C12orf42: variants seen among roughly 807,000 people sequenced by gnomAD.
C12orf42 encodes the protein chromosome 12 open reading frame 42.
C12orf42 carries 25 observed loss-of-function variants against 21.6 expected under a neutral mutation model. That is an observed-to-expected ratio of 1.16 (90% CI 0.84 to 1.62). C12orf42 has a LOEUF of 1.62. Ranked by LOEUF, C12orf42 falls within the 40% of genes most tolerant of loss-of-function variation. The probability of loss-of-function intolerance (pLI) is 0.00; values close to 1 mark genes in which losing one functional copy is unlikely to be tolerated. For synonymous variants in C12orf42, 174 were observed against 175.0 expected (o/e 0.99, Z 0.05); for missense variants, 483 against 459.3 (o/e 1.05, Z -0.47).
At chr12:103,371,591 A>G (rs906928875) in intron 3 of C12orf42, among the ~76,000 whole-genome samples, 1 of 152,176 alleles carries the variant, frequency 6.6e-6, no homozygotes, top group Non-Finnish European at 1.5e-5. Context: ...CATTTTAAAG[A>G]GAGAGGAGTA....
At chr12:103,342,404 G>A (rs1396531112) in intron 4 of C12orf42, among the ~76,000 whole-genome samples, 1 of 152,118 alleles carries the variant, frequency 6.6e-6, no homozygotes. Context: ...AAATAGAGAG[G>A]AGGGATGGAG....
chr12:103,531,493 G>A, the C12orf42 span, among the ~76,000 whole-genome samples: 1 of 152,052 alleles, frequency 6.6e-6, no homozygotes, highest in Admixed American at 6.6e-5. Flanking sequence ...TTCTAATCTG[G>A]GTCTTCTGTT....
intron 4 of C12orf42, among the ~76,000 whole-genome samples, chr12:103,291,592 G>A (rs897583714): frequency 6.6e-6 from 1 of 152,138 alleles, no homozygotes; most frequent in Non-Finnish European, 1.5e-5. Context: ...TAAATAAGGG[G>A]TGAATTATTC....
downstream of C12orf42, among the ~76,000 whole-genome samples, chr12:103,264,105 C>T (rs1346519137): frequency 6.6e-6 from 1 of 152,034 alleles, no homozygotes; most frequent in African/African-American, 2.4e-5. Flanking sequence ...CTATCTTGGA[C>T]ATATATTTAC....
At chr12:103,478,706 G>T (rs1444749934) in intron 1 of C12orf42, among the ~76,000 whole-genome samples, 2 of 149,856 alleles carry the variant, frequency 1.3e-5, no homozygotes, top group African/African-American at 4.9e-5. Context: ...ATACTTTTCT[G>T]CATAAAGTTC....
At chr12:103,547,331 C>T in the C12orf42 span, among the ~76,000 whole-genome samples, 2 of 152,242 alleles carry the variant, frequency 1.3e-5, no homozygotes, top group African/African-American at 4.8e-5. Flanking sequence ...AGCTCAGATA[C>T]AGAACATTTC....
At chr12:103,373,719 T>C (rs2045459899) in intron 3 of C12orf42, among the ~76,000 whole-genome samples, 1 of 152,338 alleles carries the variant, frequency 6.6e-6, no homozygotes, top group East Asian at 1.9e-4. Flanking sequence ...AACAGCCTTA[T>C]TATTTGGCAG....
chr12:103,068,167 G>A, the C12orf42 span, among the ~76,000 whole-genome samples: 1 of 152,184 alleles, frequency 6.6e-6, no homozygotes, highest in East Asian at 1.9e-4. Flanking sequence ...CAGAAGTGGG[G>A]ACTGCAATTG....
At chr12:103,439,544 C>T (rs1478579584) in intron 2 of C12orf42, among the ~76,000 whole-genome samples, 5 of 121,940 alleles carry the variant, frequency 4.1e-5, no homozygotes, top group African/African-American at 6.3e-5. Context: ...CTACAATGAA[C>T]TCCAACAAAT....
the C12orf42 span, chr12:103,505,344 T>C: frequency 1.4e-5 from 4 of 281,778 alleles, no homozygotes; most frequent in South Asian, 3.2e-5. Flanking sequence ...ATGCTGGACA[T>C]TGGAGCAGAA....
intron 1 of C12orf42, among the ~76,000 whole-genome samples, chr12:103,493,481 G>C (rs1955311698): frequency 6.6e-6 from 1 of 151,938 alleles, no homozygotes; most frequent in Admixed American, 6.6e-5. Flanking sequence ...TTCTGCCTGA[G>C]AGCCTTTGCA....
intron 4 of C12orf42, among the ~76,000 whole-genome samples, chr12:103,278,167 CAAA>C (rs983317746): frequency 6.6e-6 from 1 of 151,998 alleles, no homozygotes; most frequent in African/African-American, 2.4e-5. Flanking sequence ...AAAGGGTACT[CAAA>C]TAACAAATAT....
the C12orf42 span, among the ~76,000 whole-genome samples, chr12:103,546,622 A>G: frequency 6.6e-6 from 1 of 152,120 alleles, no homozygotes; most frequent in African/African-American, 2.4e-5. Flanking sequence ...GTCATTGTAG[A>G]AAAAAAATGA....
At chr12:103,339,853 C>T (rs1046980775) in intron 4 of C12orf42, among the ~76,000 whole-genome samples, 3 of 152,296 alleles carry the variant, frequency 2.0e-5, no homozygotes, top group South Asian at 2.1e-4. Flanking sequence ...TTCATCTGTA[C>T]TCAAATAATT....
chr12:103,326,085 A>T (rs77804335), intron 4 of C12orf42, among the ~76,000 whole-genome samples: 2 of 152,200 alleles, frequency 1.3e-5, no homozygotes, highest in Non-Finnish European at 2.9e-5. Flanking sequence ...CAACAATTTG[A>T]TGAGGTTATC....
At chr12:103,263,253 A>G (rs1357653640) in intron 10 of C12orf42, 1 of 152,114 alleles carries the variant, frequency 6.6e-6, no homozygotes, top group East Asian at 1.9e-4. Context: ...ACATCTATGT[A>G]TCAAATCTGC....
At chr12:103,367,332 T>C (rs1215415410) in intron 4 of C12orf42, among the ~76,000 whole-genome samples, 3 of 151,588 alleles carry the variant, frequency 2.0e-5, no homozygotes, top group Admixed American at 6.6e-5. Context: ...AGGCTACAAA[T>C]TGGGTTCAGT....
chr12:103,233,322 A>G (rs1419369977), downstream of C12orf42, among the ~76,000 whole-genome samples: 1 of 152,174 alleles, frequency 6.6e-6, no homozygotes, highest in South Asian at 2.1e-4. Context: ...TTGCCTCTCC[A>G]TATAAACTTT....
At position 103,314,919 on chromosome 12, in the gene C12orf42, G is replaced by A. The variant is rs35730312; in HGVS notation, c.260-8574C>T. Among the ~76,000 whole-genome samples, 1,747 of 152,146 alleles carry A rather than the reference G, an allele frequency of 0.011. 99 individuals are homozygous for A. In the East Asian group the frequency reaches 0.19, roughly 17 times the overall value. On this transcript the variant is annotated intron_variant, in intron 4 of 5. Coordinates refer to ENST00000548883, the MANE Select transcript of C12orf42 (RefSeq NM_198521.5). ...CATACCTTATCATCACACCAACAGG[G>A]CTTCAGTATAATAACGGTGGATTAC...
Sources: gnomAD v4.1 joint callset for allele counts (sites outside exome capture counted in the v4.1 genomes callset) on GRCh38, gnomAD v4.1.1 for gene constraint, MANE v1.5 for transcripts, NCBI Gene and HGNC (gene_info 2026-07-23, HGNC 2026-07-21) for gene names.